The following WNK2 variants were observed in gnomAD, a reference collection of about 807,000 sequenced individuals.
The protein encoded by WNK2 is serine/threonine-protein kinase WNK2.
In WNK2, 67 loss-of-function variants were observed where a neutral mutation model predicts 192.1. The observed-to-expected ratio is 0.35, with a 90% CI of 0.29 to 0.43. WNK2 has a LOEUF of 0.43. Among genes scored for constraint, WNK2 ranks in the 20% least tolerant of loss-of-function variants. The probability of loss-of-function intolerance (pLI) is 1.00; values close to 1 mark genes in which losing one functional copy is unlikely to be tolerated. For missense variants in WNK2, 2,698 were observed against 3,089.7 expected (o/e 0.87, Z 3.01); for synonymous variants, 1,439 against 1,393.9 (o/e 1.03, Z -0.72).
intron 26 of WNK2, among the ~76,000 whole-genome samples, chr9:93,300,689 T>G (rs75221177): frequency 0.01 from 1,540 of 152,222 alleles, 31 homozygotes; most frequent in East Asian, 0.055. Context: ...AGGGCGTGGT[T>G]TCTGTACCAG....
chr9:93,297,702 T>A, intron 23 of WNK2, 151 bp from the exon 24 acceptor site: 1 of 720,308 alleles, frequency 1.4e-6, no homozygotes, highest in East Asian at 2.7e-5. Flanking sequence ...ACAGCCCCTG[T>A]GTGCCGCTTT....
intron 2 of WNK2, among the ~76,000 whole-genome samples, chr9:93,216,686 C>T (rs1177840726): frequency 1.3e-5 from 2 of 151,524 alleles, no homozygotes; most frequent in Non-Finnish European, 2.9e-5. Flanking sequence ...ATCAGCTGCT[C>T]GGGAGGCTGA....
chr9:93,310,001 T>C (rs1346178416), intron 28 of WNK2, among the ~76,000 whole-genome samples: 1 of 152,364 alleles, frequency 6.6e-6, no homozygotes, highest in East Asian at 1.9e-4. Context: ...GTGGCTGCAC[T>C]GTGGTAGGAG....
At chr9:93,212,068 A>G (rs1834893920) in intron 2 of WNK2, among the ~76,000 whole-genome samples, 1 of 152,186 alleles carries the variant, frequency 6.6e-6, no homozygotes, top group Non-Finnish European at 1.5e-5. Context: ...CCATTCAGTT[A>G]TTCATCTACT....
intron 27 of WNK2, 70 bp downstream of exon 27, chr9:93,306,891 A>G (rs1852662732): frequency 6.2e-7 from 1 of 1,607,548 alleles, no homozygotes; most frequent in African/African-American, 1.3e-5. Context: ...AGCGCACATC[A>G]GGGTTCCCGC....
intron 27 of WNK2, 144 bp downstream of exon 27, chr9:93,306,965 C>T (rs1009721864): frequency 4.1e-6 from 4 of 975,084 alleles, no homozygotes; most frequent in Non-Finnish European, 4.8e-6. Context: ...CTCGGCCGGG[C>T]ACTGCTTCGC....
chr9:93,297,658 TC>T (rs1317178561), intron 23 of WNK2, among the ~76,000 whole-genome samples, 194 bp from the exon 24 acceptor site: 5 of 152,238 alleles, frequency 3.3e-5, no homozygotes. Flanking sequence ...CCTTGGGACC[TC>T]CCCGTTTAGA....
chr9:93,291,046 G>A (rs1304374134), intron 21 of WNK2, among the ~76,000 whole-genome samples: 1 of 152,192 alleles, frequency 6.6e-6, no homozygotes, highest in African/African-American at 2.4e-5. Flanking sequence ...ATTTCTAGAC[G>A]CCAGACTTTA....
rs376197419 is a variant in WNK2 at position 93,253,051 on chromosome 9, C to G, written c.2003C>G (p.Ser668Trp). ...EGPVLPQSLP[S>W]LGAYQQPTAA... ...CCCGTCCTGCCGCAGAGCCTGCCCTCGCTGGGGGCCTACCAGCAGCCCACG... is the reference window on the plus strand; with the variant it reads ...CCCGTCCTGCCGCAGAGCCTGCCCTGGCTGGGGGCCTACCAGCAGCCCACG... The change falls in exon 9 of 30, where the codon TCG becomes TGG. Residue 668 changes from serine (S) to tryptophan (W), a missense_variant. Around this residue, in one of 7 missense-constraint regions of WNK2, gnomAD observed 893 missense variants for 909.0 expected, o/e 0.98. Coordinates refer to ENST00000427277, the MANE Select transcript of WNK2 (RefSeq NM_006648.4). 1.3e-5 allele frequency: 20 copies of G among 1,511,702 alleles called. No homozygotes were observed. In the African/African-American group the frequency reaches 2.5e-4, roughly 19 times the overall value. 93.6% of individuals were successfully genotyped at this position (1,511,702 alleles called of 1,614,324 possible).
At chr9:93,246,631 C>A (rs1325704512) in intron 7 of WNK2, among the ~76,000 whole-genome samples, 1 of 152,218 alleles carries the variant, frequency 6.6e-6, no homozygotes, top group South Asian at 2.1e-4. Context: ...GGGTCGCCAG[C>A]CTCCATTGGT....
At chr9:93,287,882 G>GA (rs1172087014) in intron 19 of WNK2, among the ~76,000 whole-genome samples, 4 of 152,090 alleles carry the variant, frequency 2.6e-5, no homozygotes, top group Non-Finnish European at 5.9e-5. Context: ...GCAACATGGT[G>GA]AAACCCAGTC....
intron 4 of WNK2, among the ~76,000 whole-genome samples, chr9:93,233,756 A>G (rs561918920): frequency 1.3e-5 from 2 of 152,270 alleles, no homozygotes; most frequent in East Asian, 3.9e-4. Flanking sequence ...CGGGTAAACA[A>G]AACGTGCTTT....
In WNK2 at chr9:93,268,667, G is replaced by A. The variant is rs770968320; in HGVS notation, c.3954G>A (p.Val1318=). The A allele has an allele frequency of 2.5e-6, 4 of 1,613,446 alleles. No individual in the cohort carries two copies. Among genetic ancestry groups the A allele is most frequent in the African/African-American group, 1.3e-5 (1 of 74,900 alleles). The change falls in exon 19 of 30, where the codon GTG becomes GTA. Residue 1318 remains valine (V), a synonymous_variant. Transcript: ENST00000427277. ...AGAGGTGGTTCATCATCTGTCCGGT[G>A]GCTGAGCACCCCGCCCCCGAGGCCC... ...TGKRWFIICP[V]AEHPAPEAPE...
At chr9:93,299,977 T>G in intron 25 of WNK2, 74 bp from the exon 26 acceptor site, 1 of 1,225,946 alleles carries the variant, frequency 8.2e-7, no homozygotes, top group Non-Finnish European at 1.2e-6. Context: ...TGGCTGTTGG[T>G]GTGGAGGAGG....
At chr9:93,195,841 T>C (rs1246306737) in intron 2 of WNK2, among the ~76,000 whole-genome samples, 1 of 152,094 alleles carries the variant, frequency 6.6e-6, no homozygotes, top group Non-Finnish European at 1.5e-5. Flanking sequence ...AAAATACAGC[T>C]GCAGTTCAGG....
At chr9:93,197,714 G>A (rs1831528344) in intron 2 of WNK2, among the ~76,000 whole-genome samples, 1 of 152,114 alleles carries the variant, frequency 6.6e-6, no homozygotes. Context: ...GTAGAGACGG[G>A]GTTTCACCAT....
chr9:93,190,908 A>C (rs950674773), intron 2 of WNK2, among the ~76,000 whole-genome samples: 1 of 152,218 alleles, frequency 6.6e-6, no homozygotes, highest in African/African-American at 2.4e-5. Flanking sequence ...CCACTGGGAC[A>C]CCAGACAGAC....
intron 26 of WNK2, among the ~76,000 whole-genome samples, chr9:93,303,168 C>T (rs539380019): frequency 3.4e-4 from 52 of 152,326 alleles, no homozygotes; most frequent in Middle Eastern, 3.4e-3. Context: ...AGTCCACCCA[C>T]GTTGGCCTCC....
intron 7 of WNK2, among the ~76,000 whole-genome samples, chr9:93,246,765 G>A (rs1841776466): frequency 6.6e-6 from 1 of 152,232 alleles, no homozygotes; most frequent in Admixed American, 6.5e-5. Context: ...GGTCCAGCCT[G>A]ACCTAGAGCC....
Sources: gnomAD v4.1 joint callset for allele counts (sites outside exome capture counted in the v4.1 genomes callset) on GRCh38, gnomAD v4.1.1 for gene constraint, gnomAD v4.1.1 regional missense constraint, MANE v1.5 for transcripts, NCBI Gene and HGNC (gene_info 2026-07-23, HGNC 2026-07-21) for gene names.